FOXP1: variants seen among roughly 807,000 people sequenced by gnomAD.
FOXP1 encodes forkhead box P1.
FOXP1 carries 15 observed loss-of-function variants against 98.2 expected under a neutral mutation model. That is an observed-to-expected ratio of 0.15 (90% CI 0.10 to 0.24). The LOEUF (loss-of-function observed/expected upper bound fraction) is 0.24, where lower values mean the gene tolerates loss of function less well. Among genes scored for constraint, FOXP1 ranks in the 10% least tolerant of loss-of-function variants. FOXP1 has a pLI of 1.00. For synonymous variants in FOXP1, 371 were observed against 314.5 expected (o/e 1.18, Z -1.90); for missense variants, 633 against 848.5 (o/e 0.75, Z 3.15).
intron 11 of FOXP1, among the ~76,000 whole-genome samples, chr3:71,032,729 T>C (rs960255191): frequency 3.3e-5 from 5 of 152,154 alleles, no homozygotes; most frequent in African/African-American, 1.2e-4. Context: ...AAAGCATCTT[T>C]GCAAATCTTG....
chr3:70,972,959 A>G (rs2036590533), intron 17 of FOXP1, among the ~76,000 whole-genome samples: 1 of 152,180 alleles, frequency 6.6e-6, no homozygotes, highest in African/African-American at 2.4e-5. Flanking sequence ...AATAGGTTCC[A>G]GAGTACAAAT....
intron 6 of FOXP1, among the ~76,000 whole-genome samples, chr3:71,142,770 A>C (rs534434854): frequency 6.6e-6 from 1 of 152,170 alleles, no homozygotes; most frequent in Non-Finnish European, 1.5e-5. Flanking sequence ...TTAACAGTGC[A>C]CCTGGGCTTC....
intron 3 of FOXP1, among the ~76,000 whole-genome samples, chr3:71,411,307 GTGTGTGTGTGTA>G (rs1254175529): frequency 3.4e-4 from 50 of 145,424 alleles, no homozygotes; most frequent in Non-Finnish European, 2.8e-4. Flanking sequence ...GTGTGTGTGT[GTGTGTGTGTGTA>G]TGTGTGTGTG....
chr3:71,489,776 C>A (rs1419496030), intron 3 of FOXP1, among the ~76,000 whole-genome samples: 1 of 152,214 alleles, frequency 6.6e-6, no homozygotes, highest in African/African-American at 2.4e-5. Context: ...AGCATGGTTA[C>A]CGCCGGCATC....
At chr3:70,963,400 A>G (rs2034025164) in intron 20 of FOXP1, among the ~76,000 whole-genome samples, 1 of 152,230 alleles carries the variant, frequency 6.6e-6, no homozygotes, top group African/African-American at 2.4e-5. Flanking sequence ...TTCAAAGAAC[A>G]AAAGAGGATG....
intron 4 of FOXP1, among the ~76,000 whole-genome samples, chr3:71,317,324 G>C (rs2107651418): frequency 6.6e-6 from 1 of 152,198 alleles, no homozygotes; most frequent in East Asian, 1.9e-4. Context: ...ACGCCACGCT[G>C]TCACTTGATC....
At chr3:71,380,698 A>ATTTTTTTTTTTTTTTTT (rs11395817) in intron 3 of FOXP1, among the ~76,000 whole-genome samples, 1 of 100,264 alleles carries the variant, frequency 1.0e-5, no homozygotes, top group African/African-American at 3.9e-5. Context: ...CTTTTTAGAC[A>ATTTTTTTTTTTTTTTTT]TTTTTTTTTT....
At chr3:71,530,365 G>A (rs984281277) in intron 2 of FOXP1, among the ~76,000 whole-genome samples, 7 of 152,064 alleles carry the variant, frequency 4.6e-5, no homozygotes, top group Non-Finnish European at 8.8e-5. Context: ...AAAGGCCCTC[G>A]ACAGGTGCAG....
Position 71,182,171 on chromosome 3 carries a change from G to A in FOXP1, c.180+16031C>T, listed in dbSNP as rs548613644. Reference sequence around the variant, plus strand: ...ATGAGTAGTGGTTGTCAAATTTGATGGTGGAAGCACCTAGAAGTGAGGCAG... The same window carrying A: ...ATGAGTAGTGGTTGTCAAATTTGATAGTGGAAGCACCTAGAAGTGAGGCAG... On this transcript the variant is annotated intron_variant, in intron 6 of 20. Transcript: ENST00000649528. Among the ~76,000 whole-genome samples the A allele has an allele frequency of 2.6e-5, 4 of 152,250 alleles. No individual in the cohort carries two copies. In the South Asian group the frequency reaches 8.3e-4, roughly 32 times the overall value.
At chr3:71,100,067 A>C (rs2056823374) in intron 7 of FOXP1, among the ~76,000 whole-genome samples, 1 of 152,232 alleles carries the variant, frequency 6.6e-6, no homozygotes, top group Non-Finnish European at 1.5e-5. Context: ...ATGGATCAGC[A>C]TAGACTATGG....
chr3:71,074,107 G>A (rs979981030), intron 7 of FOXP1, among the ~76,000 whole-genome samples: 4 of 152,166 alleles, frequency 2.6e-5, no homozygotes, highest in Admixed American at 6.5e-5. Flanking sequence ...AGTACTTATG[G>A]GAATGTGTGA....
intron 2 of FOXP1, among the ~76,000 whole-genome samples, chr3:71,577,177 T>C (rs376597326): frequency 2.0e-5 from 3 of 152,300 alleles, no homozygotes; most frequent in East Asian, 3.9e-4. Flanking sequence ...ATAAGAATAA[T>C]TTATTAAAGA....
rs1339816963 is a variant in FOXP1 at position 71,106,736 on chromosome 3, G to C, written c.282+5800C>G. On this transcript the variant is annotated intron_variant, in intron 7 of 20. Transcript: ENST00000649528. Reference sequence around the variant, plus strand: ...CAGCCTTCTTAGTAGCTGAGATATGGTGCACACCACTGCAGTTGCACCTGG... The same window carrying C: ...CAGCCTTCTTAGTAGCTGAGATATGCTGCACACCACTGCAGTTGCACCTGG... Among the ~76,000 whole-genome samples the C allele has an allele frequency of 7.3e-5, 11 of 150,848 alleles. No homozygotes were observed. In the East Asian group the frequency reaches 1.8e-3, roughly 24 times the overall value.
intron 2 of FOXP1, among the ~76,000 whole-genome samples, chr3:71,545,835 T>C (rs2045312837): frequency 6.6e-6 from 1 of 152,218 alleles, no homozygotes; most frequent in South Asian, 2.1e-4. Context: ...CTTTTGTTGC[T>C]GCATATTTAA....
At chr3:71,564,293 G>C (rs1057299893) in intron 2 of FOXP1, among the ~76,000 whole-genome samples, 2 of 152,160 alleles carry the variant, frequency 1.3e-5, no homozygotes, top group African/African-American at 4.8e-5. Flanking sequence ...TATTTAATGT[G>C]ACTTTTAACC....
intron 7 of FOXP1, among the ~76,000 whole-genome samples, chr3:71,067,515 T>C (rs2052664770): frequency 6.6e-6 from 1 of 152,168 alleles, no homozygotes; most frequent in Admixed American, 6.5e-5. Context: ...AACAGTCTCA[T>C]GCAGTTGTCA....
At chr3:71,185,206 A>C (rs1297597902) in intron 6 of FOXP1, among the ~76,000 whole-genome samples, 1 of 152,148 alleles carries the variant, frequency 6.6e-6, no homozygotes, top group Non-Finnish European at 1.5e-5. Flanking sequence ...AAAAAAAAGT[A>C]TTAGAAACAT....
intron 7 of FOXP1, among the ~76,000 whole-genome samples, chr3:71,078,978 T>G (rs2054121438): frequency 1.3e-5 from 2 of 152,192 alleles, no homozygotes; most frequent in African/African-American, 4.8e-5. Context: ...ACTCCTGCAC[T>G]ATAACAACTC....
chr3:71,340,937 T>C (rs2107778763), intron 4 of FOXP1, among the ~76,000 whole-genome samples: 1 of 152,224 alleles, frequency 6.6e-6, no homozygotes, highest in African/African-American at 2.4e-5. Flanking sequence ...TGAGAAAATC[T>C]TCACCTAAAA....
Sources: allele counts gnomAD v4.1 joint callset (sites outside exome capture counted in the v4.1 genomes callset), GRCh38; gene constraint gnomAD v4.1.1; transcripts MANE v1.5; gene names NCBI Gene and HGNC (gene_info 2026-07-23, HGNC 2026-07-21).